The following MAF variants were observed in gnomAD, a reference collection of about 807,000 sequenced individuals.
The protein encoded by MAF is MAF bZIP transcription factor.
Under a neutral mutation model 22.0 loss-of-function variants are expected in MAF, and 10 were observed. That is an observed-to-expected ratio of 0.45 (90% CI 0.28 to 0.77). The LOEUF (loss-of-function observed/expected upper bound fraction) is 0.77, where lower values mean the gene tolerates loss of function less well. Among genes scored for constraint, MAF ranks in the 30% least tolerant of loss-of-function variants. The pLI is 0.12. For missense variants in MAF, 544 were observed against 548.4 expected (o/e 0.99, Z 0.08); for synonymous variants, 337 against 255.8 (o/e 1.32, Z -3.03).
At chr16:79,543,680 T>C in the MAF span, among the ~76,000 whole-genome samples, 1 of 145,856 alleles carries the variant, frequency 6.9e-6, no homozygotes, top group Non-Finnish European at 1.5e-5. Flanking sequence ...CTTTTTCTTT[T>C]TTTTTTTTTC....
the MAF span, among the ~76,000 whole-genome samples, chr16:79,416,786 C>T: frequency 2.0e-5 from 3 of 152,198 alleles, no homozygotes; most frequent in African/African-American, 7.2e-5. Flanking sequence ...TACCCTCTCC[C>T]TGTAGAAAGT....
chr16:79,285,708 G>T, the MAF span, among the ~76,000 whole-genome samples: 5 of 152,180 alleles, frequency 3.3e-5, no homozygotes, highest in African/African-American at 9.7e-5. Context: ...GCTGGATTCC[G>T]CAAGGCCAGA....
the MAF span, among the ~76,000 whole-genome samples, chr16:79,295,346 T>C: frequency 3.3e-5 from 5 of 152,202 alleles, no homozygotes; most frequent in African/African-American, 1.2e-4. Context: ...TCAGAAACTT[T>C]AGCACAGCCA....
At chr16:79,215,460 C>G in the MAF span, among the ~76,000 whole-genome samples, 76,168 of 151,950 alleles carry the variant, frequency 0.5, 20,838 homozygotes, top group Non-Finnish European at 0.63. Context: ...AGTAAAGCCA[C>G]GAGAAAGAAG....
At chr16:79,254,566 A>G in the MAF span, among the ~76,000 whole-genome samples, 206 of 152,326 alleles carry the variant, frequency 1.4e-3, no homozygotes, top group Non-Finnish European at 2.2e-3. Context: ...GAAACATCTT[A>G]GAGATAGTTA....
chr16:79,400,892 C>T, the MAF span, among the ~76,000 whole-genome samples: 2 of 152,230 alleles, frequency 1.3e-5, no homozygotes, highest in African/African-American at 4.8e-5. Context: ...GCTGCCACTC[C>T]AGGCCCAATC....
the MAF span, among the ~76,000 whole-genome samples, chr16:79,514,437 A>T: frequency 6.6e-6 from 1 of 152,238 alleles, no homozygotes; most frequent in South Asian, 2.1e-4. Context: ...GAATGGGTGC[A>T]AATATAGTAT....
the MAF span, among the ~76,000 whole-genome samples, chr16:79,335,997 G>C: frequency 6.6e-6 from 1 of 152,122 alleles, no homozygotes; most frequent in Non-Finnish European, 1.5e-5. Context: ...GATGTGGGAC[G>C]GAGTGATCCT....
the MAF span, among the ~76,000 whole-genome samples, chr16:79,227,548 T>G: frequency 3.3e-5 from 5 of 152,006 alleles, no homozygotes; most frequent in African/African-American, 1.2e-4. Flanking sequence ...TGTCTCCACC[T>G]CAGTGCACTC....
At chr16:79,319,972 C>T in the MAF span, among the ~76,000 whole-genome samples, 1 of 152,136 alleles carries the variant, frequency 6.6e-6, no homozygotes, top group African/African-American at 2.4e-5. Context: ...TTAAAATATG[C>T]AGCTCTTAGG....
At chr16:79,563,428 A>G in the MAF span, among the ~76,000 whole-genome samples, 1 of 152,150 alleles carries the variant, frequency 6.6e-6, no homozygotes, top group Non-Finnish European at 1.5e-5. Flanking sequence ...TGTTGTGGTC[A>G]AACTCCATTT....
the MAF span, among the ~76,000 whole-genome samples, chr16:79,538,973 A>T: frequency 6.6e-6 from 1 of 152,228 alleles, no homozygotes; most frequent in East Asian, 1.9e-4. Flanking sequence ...AAAGGAAAAG[A>T]ACAGACAATT....
the MAF span, among the ~76,000 whole-genome samples, chr16:79,422,984 T>G: frequency 1.4e-4 from 22 of 151,918 alleles, no homozygotes; most frequent in African/African-American, 5.1e-4. Context: ...GGAAACCAAC[T>G]AGGATAAGCA....
At chr16:79,598,008 G>A in intron 1 of MAF, 1 of 1,018,852 alleles carries the variant, frequency 9.8e-7, no homozygotes, top group Non-Finnish European at 1.2e-6. Context: ...GATTGTGGAA[G>A]GTTCATGAGG....
chr16:79,251,430 G>A, the MAF span, among the ~76,000 whole-genome samples: 19 of 149,546 alleles, frequency 1.3e-4, no homozygotes, highest in East Asian at 5.9e-4. Flanking sequence ...ATTCTCCTGC[G>A]TCAGCCTCCA....
chr16:79,507,650 C>A, the MAF span, among the ~76,000 whole-genome samples: 1 of 152,108 alleles, frequency 6.6e-6, no homozygotes, highest in Non-Finnish European at 1.5e-5. Flanking sequence ...TGGTCTCGAT[C>A]TCCTGACCTC....
chr16:79,588,943 G>A (rs142640814), downstream of MAF, among the ~76,000 whole-genome samples: 1 of 152,172 alleles, frequency 6.6e-6, no homozygotes, highest in East Asian at 1.9e-4. Flanking sequence ...AAAGATTACC[G>A]AGGGTTTTTC....
the MAF span, among the ~76,000 whole-genome samples, chr16:79,304,534 C>A: frequency 6.6e-6 from 1 of 151,880 alleles, no homozygotes; most frequent in Non-Finnish European, 1.5e-5. Flanking sequence ...GTCTCACTAC[C>A]AGAACTAGCC....
At chr16:79,494,153 T>A in the MAF span, among the ~76,000 whole-genome samples, 1 of 152,210 alleles carries the variant, frequency 6.6e-6, no homozygotes, top group Non-Finnish European at 1.5e-5. Flanking sequence ...CCATGAACTT[T>A]GTGGTGAAAA....
Sources: allele counts gnomAD v4.1 joint callset (sites outside exome capture counted in the v4.1 genomes callset), GRCh38; gene constraint gnomAD v4.1.1; transcripts MANE v1.5; gene names NCBI Gene and HGNC (gene_info 2026-07-23, HGNC 2026-07-21).